Variants in ACSM3 observed in about 807,000 individuals in gnomAD.
ACSM3 encodes acyl-coenzyme A synthetase ACSM3, mitochondrial.
A neutral mutation model predicts 74.1 loss-of-function variants in ACSM3; 61 were observed. The observed-to-expected ratio is 0.82, with a 90% CI of 0.67 to 1.02. The LOEUF (loss-of-function observed/expected upper bound fraction) is 1.02. Among genes scored for constraint, ACSM3 ranks in the 50% least tolerant of loss-of-function variants. The pLI is 0.00. For synonymous variants in ACSM3, 213 were observed against 241.5 expected, an observed-to-expected ratio of 0.88 and a Z score of 1.09; for missense variants, 660 against 697.0, an observed-to-expected ratio of 0.95 and a Z score of 0.60.
Position 20,780,973 on chromosome 16 carries a change from G to A in ACSM3, c.783-1G>A, listed in dbSNP as rs765634803. The A allele has an allele frequency of 3.1e-6, 5 of 1,614,050 alleles. No homozygotes were observed. Among genetic ancestry groups the A allele is most frequent in the Non-Finnish European group, 3.4e-6 (4 of 1,180,004 alleles). On this transcript the variant is annotated splice_acceptor_variant, in intron 5 of 13. Coordinates refer to ENST00000289416, the MANE Select transcript of ACSM3 (RefSeq NM_005622.4). LOFTEE classifies it high-confidence loss of function. ...ATCAGGGCTACTCTTTGTTTTCCCA[G>A]GTTCTGGCTAGATTTGACACCCTCA...
At chr16:20,680,322 C>T (rs1567305514) in intron 1 of ACSM3, 1 of 152,224 alleles carries the variant, frequency 6.6e-6, no homozygotes, top group Non-Finnish European at 1.5e-5. Flanking sequence ...ATGCATCCAA[C>T]CCCGCAATTC....
Position 20,741,975 on chromosome 16 carries a change from A to G in ACSM3, c.-189-7935A>G, listed in dbSNP as rs765154895. On this transcript the variant is annotated intron_variant, in intron 1 of 3. Transcript: ENST00000561584. Reference sequence around the variant, plus strand: ...CGCCTCCCGACTGCAACCTGAATCCAGTAGAGGCAGCATAGCAGCCATTCT... The same window carrying G: ...CGCCTCCCGACTGCAACCTGAATCCGGTAGAGGCAGCATAGCAGCCATTCT... The G allele has an allele frequency of 9.8e-6, 15 of 1,524,106 alleles. No individual in the cohort carries two copies. In the South Asian group the frequency reaches 1.6e-4, roughly 16 times the overall value. The allele number at this position is 1,524,106 out of a possible 1,614,324, so 94.4% of individuals were successfully genotyped here. A position where few individuals can be genotyped will look rare whatever the true frequency, so the allele number is the denominator to read the frequency against.
chr16:20,718,011 GAAGAAGAAGAAGAA>G (rs1567323302), intron 1 of ACSM3, among the ~76,000 whole-genome samples: 43 of 145,468 alleles, frequency 3.0e-4, no homozygotes, highest in African/African-American at 9.3e-4. Flanking sequence ...AGAAGAAGAA[GAAGAAGAAGAAGAA>G]GAAAAGAAAG....
chr16:20,726,365 T>A (rs2079806050), intron 1 of ACSM3, among the ~76,000 whole-genome samples: 1 of 152,190 alleles, frequency 6.6e-6, no homozygotes, highest in African/African-American at 2.4e-5. Context: ...TGCAGGCTTG[T>A]CCATCCTCTT....
intron 1 of ACSM3, chr16:20,728,213 G>T: frequency 8.6e-6 from 3 of 349,776 alleles, no homozygotes; most frequent in South Asian, 4.3e-5. Flanking sequence ...CAGGCTCAAT[G>T]GGGAAAGAAT....
At chr16:20,720,388 G>C (rs1445108100) in intron 1 of ACSM3, among the ~76,000 whole-genome samples, 1 of 152,152 alleles carries the variant, frequency 6.6e-6, no homozygotes, top group Non-Finnish European at 1.5e-5. Flanking sequence ...TAGATCTCTC[G>C]CATGTACAGT....
intron 1 of ACSM3, chr16:20,690,909 G>T: frequency 7.7e-7 from 1 of 1,291,010 alleles, no homozygotes; most frequent in Non-Finnish European, 1.1e-6. Context: ...AAGTAACTTT[G>T]GTTCCATACC....
chr16:20,775,930 C>A lies in ACSM3; in HGVS notation c.311C>A (p.Ser104Tyr), dbSNP rs2152460642. The change falls in exon 3 of 14, where the codon TCC (serine) becomes TAC (tyrosine). Residue 104 changes from serine to tyrosine, a missense_variant. Ser to Tyr is a moderately radical substitution (Grantham distance 144). Coordinates refer to ENST00000289416, the MANE Select transcript of ACSM3 (RefSeq NM_005622.4). ...RWSFEELGSL[S>Y]RKFANILSEA... Reference sequence around the variant, plus strand: ...AGTTTTGAGGAACTGGGATCTCTGTCCAGAAAATTTGCCAATATACTTTCA... The same window carrying A: ...AGTTTTGAGGAACTGGGATCTCTGTACAGAAAATTTGCCAATATACTTTCA... 1 of 1,614,112 alleles carries A rather than the reference C, an allele frequency of 6.2e-7. No individual in the cohort carries two copies. The highest frequency in any genetic ancestry group is 1.1e-5 in the South Asian group (1 of 91,082).
chr16:20,765,333 A>G (rs1281714966), intron 1 of ACSM3, among the ~76,000 whole-genome samples: 1 of 152,222 alleles, frequency 6.6e-6, no homozygotes, highest in East Asian at 1.9e-4. Context: ...AACTTTGTTG[A>G]GGAGAAGGTA....
chr16:20,796,491 T>C lies in ACSM3; in HGVS notation c.1674+2T>C. 1 of 1,611,024 alleles carries C rather than the reference T, an allele frequency of 6.2e-7. No individual in the cohort carries two copies. The highest frequency in any genetic ancestry group is 8.5e-7 in the Non-Finnish European group (1 of 1,179,338). ...GCACCTTACAAATATCCCAGAAAGG[T>C]AGGCATCCTAATTATAACGAATATT... On this transcript the variant is annotated splice_donor_variant, in intron 13 of 13. Transcript: ENST00000289416. LOFTEE classifies it high-confidence loss of function.
chr16:20,717,294 A>G (rs1299292171), intron 1 of ACSM3, among the ~76,000 whole-genome samples: 1 of 152,208 alleles, frequency 6.6e-6, no homozygotes, highest in African/African-American at 2.4e-5. Context: ...CATGTGCCTA[A>G]TCTTAAACCA....
At chr16:20,792,500 A>T in intron 12 of ACSM3, 165 bp downstream of exon 12, 1 of 982,824 alleles carries the variant, frequency 1.0e-6, no homozygotes, top group Middle Eastern at 5.3e-4. Context: ...ATAAGATTGA[A>T]TTATGAGTTG....
rs1417943166 is a variant in ACSM3, at chr16:20,781,010, G to A, written c.819G>A (p.Trp273Ter). 13 of 1,614,014 alleles carry A rather than the reference G, an allele frequency of 8.1e-6. No individual in the cohort carries two copies. In the South Asian group the frequency reaches 1.1e-4, roughly 14 times the overall value. The change falls in exon 6 of 14, where the codon TGG becomes TGA. Residue 273 changes from tryptophan (W) to a stop codon, truncating the protein, a stop_gained. Transcript: ENST00000289416. LOFTEE classifies it high-confidence loss of function. ...WLDLTPSDVMWNTSDTGWAKS... is the reference protein window; with the variant it reads ...WLDLTPSDVM ...ATTTGACACCCTCAGATGTGATGTG[G>A]AATACCTCAGATACGGGCTGGGCAA... is the stretch of plus-strand genomic sequence containing the variant.
intron 1 of ACSM3, among the ~76,000 whole-genome samples, chr16:20,747,185 G>A (rs1329177354): frequency 1.3e-5 from 2 of 152,178 alleles, no homozygotes; most frequent in Admixed American, 1.3e-4. Context: ...GCCCTCAAGG[G>A]ATGGGTTCCA....
At chr16:20,691,548 C>T (rs1387585884) in intron 1 of ACSM3, among the ~76,000 whole-genome samples, 1 of 152,106 alleles carries the variant, frequency 6.6e-6, no homozygotes, top group African/African-American at 2.4e-5. Flanking sequence ...GGTAGAGCAA[C>T]TCGCCTTTTG....
chr16:20,688,701 G>C (rs2079598452), intron 1 of ACSM3, among the ~76,000 whole-genome samples: 1 of 151,888 alleles, frequency 6.6e-6, no homozygotes, highest in African/African-American at 2.4e-5. Flanking sequence ...GGGGAAATTA[G>C]GGTATTCCCA....
chr16:20,688,842 T>G (rs1399181871), intron 1 of ACSM3, among the ~76,000 whole-genome samples: 1 of 151,870 alleles, frequency 6.6e-6, no homozygotes, highest in African/African-American at 2.4e-5. Context: ...CTCTTGTAAA[T>G]ATAAATTCAT....
chr16:20,787,925 C>A (rs958278092), intron 9 of ACSM3, among the ~76,000 whole-genome samples: 2 of 152,190 alleles, frequency 1.3e-5, no homozygotes, highest in African/African-American at 4.8e-5. Context: ...CCCCTCACCA[C>A]TTCAGTCTCA....
chr16:20,733,105 T>C (rs1267109730), intron 1 of ACSM3: 1 of 152,140 alleles, frequency 6.6e-6, no homozygotes, highest in Non-Finnish European at 1.5e-5. Flanking sequence ...TTTAAGTTTT[T>C]GTTTTCTACT....
Sources: gnomAD v4.1 joint callset for allele counts (sites outside exome capture counted in the v4.1 genomes callset) on GRCh38, gnomAD v4.1.1 for gene constraint, MANE v1.5 for transcripts, NCBI Gene and HGNC (gene_info 2026-07-23, HGNC 2026-07-21) for gene names.